Variants in NHEJ1 observed in about 807,000 individuals in gnomAD.
NHEJ1 encodes the protein non-homologous end-joining factor 1.
NHEJ1 carries 22 observed loss-of-function variants against 39.4 expected under a neutral mutation model. The ratio of observed to expected loss-of-function variants is 0.56; its 90% CI spans 0.40 to 0.80. The LOEUF is 0.80. NHEJ1 is among the 30% of genes least tolerant of loss of function. The pLI, the probability that NHEJ1 is intolerant of heterozygous loss-of-function variation, is 0.00. For missense variants in NHEJ1, 329 were observed against 357.1 expected, an observed-to-expected ratio of 0.92 and a Z score of 0.63; for synonymous variants, 154 against 135.6, an observed-to-expected ratio of 1.14 and a Z score of -0.94.
rs149676947 is a variant in NHEJ1, at chr2:219,148,939, A to G, written c.391-1144T>C. ...GCTCATGTTGCCCAGGCTACAGTAC[A>G]GTAGCACGATCTCAGCTCACTACAA... is the stretch of plus-strand genomic sequence containing the variant. On this transcript the variant is annotated intron_variant, in intron 3 of 7. Transcript: ENST00000356853. 3.6e-3 allele frequency among the ~76,000 whole-genome samples: 546 copies of G among 151,910 alleles called. 2 individuals carry two copies. Among genetic ancestry groups the G allele is most frequent in the African/African-American group, 0.013 (518 of 41,390 alleles).
intron 5 of NHEJ1, among the ~76,000 whole-genome samples, chr2:219,118,759 A>C (rs1287307104): frequency 6.6e-6 from 1 of 152,264 alleles, no homozygotes; most frequent in Non-Finnish European, 1.5e-5. Flanking sequence ...GGGAGGCCCA[A>C]GGAACAAGCT....
chr2:219,088,459 A>C (rs1356489715), intron 5 of NHEJ1, among the ~76,000 whole-genome samples: 1 of 152,100 alleles, frequency 6.6e-6, no homozygotes, highest in East Asian at 1.9e-4. Context: ...TGCCACTGCA[A>C]GCCAGCCTGG....
chr2:219,090,367 T>C (rs550451861), intron 5 of NHEJ1, among the ~76,000 whole-genome samples: 7 of 152,376 alleles, frequency 4.6e-5, no homozygotes, highest in Admixed American at 2.6e-4. Context: ...GGAGTTATTA[T>C]GAGGATTAAA....
chr2:219,115,153 A>AAAGAAGAAGAAG (rs138331690), intron 5 of NHEJ1, among the ~76,000 whole-genome samples: 2,815 of 148,328 alleles, frequency 0.019, 62 homozygotes, highest in South Asian at 0.084. Context: ...CGTATTTTAA[A>AAAGAAGAAGAAG]AAGAAGAAGA....
intron 5 of NHEJ1, among the ~76,000 whole-genome samples, chr2:219,082,923 G>A (rs545286309): frequency 1.3e-5 from 2 of 152,316 alleles, no homozygotes; most frequent in East Asian, 3.9e-4. Context: ...CTTCCCTTAG[G>A]AATAAGAGCA....
At position 219,095,406 on chromosome 2, in the gene NHEJ1, T is replaced by G. The variant is rs184620132; in HGVS notation, c.589-17200A>C. 236 of 463,780 alleles carry G rather than the reference T, an allele frequency of 5.1e-4. 2 individuals carry two copies. The highest frequency in any genetic ancestry group is 1.6e-4 in the African/African-American group (8 of 49,914). 28.7% of individuals were successfully genotyped at this position (463,780 alleles called of 1,614,324 possible). A position where few individuals can be genotyped will look rare whatever the true frequency, so the allele number is the denominator to read the frequency against. The stretch of plus-strand genomic sequence containing the variant: ...AGTAGTAGTCCTGACTGTTAAAAGA[T>G]CTCACCATCAAGTTCTTAGCATGTG... On this transcript the variant is annotated intron_variant, in intron 5 of 7. Coordinates refer to ENST00000356853, the MANE Select transcript of NHEJ1 (RefSeq NM_024782.3).
At chr2:219,077,513 G>T in intron 6 of NHEJ1, 149 bp from the exon 7 acceptor site, 1 of 710,986 alleles carries the variant, frequency 1.4e-6, no homozygotes, top group Non-Finnish European at 2.5e-6. Flanking sequence ...ACTTCCAGCT[G>T]ACTTTCAGAA....
chr2:219,156,208 C>G (rs896859956), intron 3 of NHEJ1, among the ~76,000 whole-genome samples: 3 of 152,088 alleles, frequency 2.0e-5, no homozygotes, highest in African/African-American at 7.2e-5. Flanking sequence ...GAGATCACAC[C>G]ACTGCACTCA....
chr2:219,135,484 C>T (rs557099301), intron 5 of NHEJ1, among the ~76,000 whole-genome samples: 20 of 152,202 alleles, frequency 1.3e-4, no homozygotes, highest in African/African-American at 3.6e-4. Context: ...TGGCAGGTGC[C>T]TGTAATCTTA....
intron 5 of NHEJ1, among the ~76,000 whole-genome samples, chr2:219,136,362 G>A (rs1327271877): frequency 1.4e-5 from 2 of 147,602 alleles, no homozygotes; most frequent in East Asian, 4.0e-4. Flanking sequence ...AATCTTGGCT[G>A]ACTGCAACCT....
chr2:219,077,409 T>A (rs1185104961), intron 6 of NHEJ1, 45 bp from the exon 7 acceptor site: 2 of 1,397,164 alleles, frequency 1.4e-6, no homozygotes, highest in Non-Finnish European at 2.0e-6. Flanking sequence ...AATGCCTTCT[T>A]CTTACCAGGA....
intron 3 of NHEJ1, among the ~76,000 whole-genome samples, chr2:219,151,498 A>G (rs1949794760): frequency 6.6e-6 from 1 of 152,204 alleles, no homozygotes; most frequent in African/African-American, 2.4e-5. Flanking sequence ...TGGTTTAAAG[A>G]AAGTTTTTTT....
At chr2:219,076,638 G>C (rs1949017158) in intron 7 of NHEJ1, among the ~76,000 whole-genome samples, 183 bp from the exon 8 acceptor site, 2 of 150,398 alleles carry the variant, frequency 1.3e-5, no homozygotes, top group Admixed American at 6.6e-5. Context: ...TGAACTCCTG[G>C]GCTCGAGCAA....
chr2:219,086,306 C>T (rs1949111556), intron 5 of NHEJ1, among the ~76,000 whole-genome samples: 3 of 152,144 alleles, frequency 2.0e-5, no homozygotes, highest in Non-Finnish European at 4.4e-5. Flanking sequence ...ACTAAGGTCA[C>T]AGCAAAATGG....
At chr2:219,115,261 GAAGAA>G (rs1949402186) in intron 5 of NHEJ1, among the ~76,000 whole-genome samples, 1 of 152,122 alleles carries the variant, frequency 6.6e-6, no homozygotes, top group African/African-American at 2.4e-5. Flanking sequence ...CAAAAAAGAA[GAAGAA>G]AAGTCCAAAT....
chr2:219,116,107 A>C (rs1421907690), intron 5 of NHEJ1, among the ~76,000 whole-genome samples: 8 of 152,182 alleles, frequency 5.3e-5, no homozygotes, highest in Non-Finnish European at 8.8e-5. Flanking sequence ...CAACAGAGCA[A>C]GACTCCAACT....
At chr2:219,092,360 A>T (rs1251755828) in intron 5 of NHEJ1, among the ~76,000 whole-genome samples, 2 of 152,188 alleles carry the variant, frequency 1.3e-5, no homozygotes, top group Admixed American at 6.5e-5. Context: ...CAAATATTTT[A>T]AAACTAATCT....
At chr2:219,092,851 T>G (rs1410499819) in intron 5 of NHEJ1, among the ~76,000 whole-genome samples, 1 of 152,078 alleles carries the variant, frequency 6.6e-6, no homozygotes, top group African/African-American at 2.4e-5. Flanking sequence ...TAAGAGATCT[T>G]GAGATCCCAG....
At chr2:219,153,127 G>A (rs1229487106) in intron 3 of NHEJ1, among the ~76,000 whole-genome samples, 1 of 152,122 alleles carries the variant, frequency 6.6e-6, no homozygotes, top group Non-Finnish European at 1.5e-5. Flanking sequence ...AAAACGAAAA[G>A]TTATGGAGTT....
Sources: gnomAD v4.1 joint callset for allele counts (sites outside exome capture counted in the v4.1 genomes callset) on GRCh38, gnomAD v4.1.1 for gene constraint, MANE v1.5 for transcripts, NCBI Gene and HGNC (gene_info 2026-07-23, HGNC 2026-07-21) for gene names.